LINGO2: variants seen among roughly 807,000 people sequenced by gnomAD.
LINGO2 encodes leucine-rich repeat and immunoglobulin-like domain-containing nogo receptor-interacting protein 2.
Under a neutral mutation model 30.6 loss-of-function variants are expected in LINGO2, and 14 were observed. The observed-to-expected ratio is 0.46, with a 90% confidence interval of 0.30 to 0.72. The LOEUF (loss-of-function observed/expected upper bound fraction) is 0.72. Among genes scored for constraint, LINGO2 ranks in the 30% least tolerant of loss-of-function variants. The pLI, the probability that LINGO2 is intolerant of heterozygous loss-of-function variation, is 0.07. For synonymous variants in LINGO2, 317 were observed against 288.5 expected (o/e 1.10, Z -1.00); for missense variants, 729 against 751.7 (o/e 0.97, Z 0.35).
At chr9:28,717,369 G>A in the LINGO2 span, among the ~76,000 whole-genome samples, 3 of 151,686 alleles carry the variant, frequency 2.0e-5, no homozygotes, top group Admixed American at 6.6e-5. Flanking sequence ...AGATGAAGGG[G>A]GGATTTTTAA....
chr9:28,884,996 TTATATA>T, the LINGO2 span, among the ~76,000 whole-genome samples: 3,403 of 15,828 alleles, frequency 0.21, 279 homozygotes, highest in Admixed American at 0.39. Flanking sequence ...TAATAATATA[TTATATA>T]TATATATATA....
chr9:28,473,742 TCTTTA>T (rs1825620888), intron 2 of LINGO2, among the ~76,000 whole-genome samples: 1 of 152,148 alleles, frequency 6.6e-6, no homozygotes, highest in Non-Finnish European at 1.5e-5. Context: ...CCATAGGTTT[TCTTTA>T]CTTTAGTTTG....
At chr9:28,549,561 T>A (rs928017776) in intron 1 of LINGO2, among the ~76,000 whole-genome samples, 2 of 152,046 alleles carry the variant, frequency 1.3e-5, no homozygotes, top group African/African-American at 2.4e-5. Flanking sequence ...TGTACCAGTT[T>A]ACAGTTGCAG....
chr9:29,083,230 G>A, the LINGO2 span, among the ~76,000 whole-genome samples: 1 of 152,004 alleles, frequency 6.6e-6, no homozygotes, highest in East Asian at 1.9e-4. Context: ...TGGCACATAT[G>A]CACCATGGAA....
chr9:28,199,321 A>ATCTTCTTCTTCT (rs547009763), intron 4 of LINGO2, among the ~76,000 whole-genome samples: 1 of 138,852 alleles, frequency 7.2e-6, no homozygotes. Context: ...ACTACGGGCT[A>ATCTTCTTCTTCT]TCTTCTTCTT....
At chr9:29,101,646 A>G in the LINGO2 span, among the ~76,000 whole-genome samples, 3 of 152,138 alleles carry the variant, frequency 2.0e-5, no homozygotes, top group Non-Finnish European at 2.9e-5. Context: ...CCTCCCACAG[A>G]TAAGTGAGAA....
At chr9:29,081,079 G>T in the LINGO2 span, among the ~76,000 whole-genome samples, 7 of 152,026 alleles carry the variant, frequency 4.6e-5, no homozygotes, top group Non-Finnish European at 5.9e-5. Context: ...CATTTTATGA[G>T]GCCAGCATCA....
At chr9:29,192,637 C>G in the LINGO2 span, among the ~76,000 whole-genome samples, 1 of 152,166 alleles carries the variant, frequency 6.6e-6, no homozygotes, top group African/African-American at 2.4e-5. Flanking sequence ...GCTCTGAACA[C>G]TAGAGACTAT....
chr9:28,357,315 G>GCA (rs1554710531), intron 3 of LINGO2, among the ~76,000 whole-genome samples: 1 of 66,060 alleles, frequency 1.5e-5, no homozygotes, highest in Non-Finnish European at 3.5e-5. Context: ...CAGAAATAAA[G>GCA]CCCACCCCCC....
chr9:28,230,722 G>T (rs1205489326), intron 4 of LINGO2, among the ~76,000 whole-genome samples: 2 of 151,816 alleles, frequency 1.3e-5, no homozygotes, highest in Non-Finnish European at 3.0e-5. Flanking sequence ...TACATTTAGA[G>T]AATTTCATCT....
intron 4 of LINGO2, among the ~76,000 whole-genome samples, chr9:28,187,967 C>T (rs943078580): frequency 1.3e-5 from 2 of 152,142 alleles, no homozygotes; most frequent in African/African-American, 4.8e-5. Context: ...CTCCCTTGTT[C>T]TCGTCACCTC....
At chr9:28,336,091 A>G (rs1262275038) in intron 3 of LINGO2, among the ~76,000 whole-genome samples, 1 of 152,138 alleles carries the variant, frequency 6.6e-6, no homozygotes, top group Non-Finnish European at 1.5e-5. Flanking sequence ...CATCTTTGCC[A>G]ACATTTGGTA....
chr9:28,994,967 T>C, the LINGO2 span, among the ~76,000 whole-genome samples: 4 of 152,088 alleles, frequency 2.6e-5, no homozygotes, highest in Admixed American at 6.6e-5. Flanking sequence ...GGGCAAGGAC[T>C]TCATGTCTAA....
intron 4 of LINGO2, among the ~76,000 whole-genome samples, chr9:28,055,839 C>T (rs187483137): frequency 6.8e-4 from 103 of 152,246 alleles, no homozygotes; most frequent in African/African-American, 2.3e-3. Context: ...CTTGCTTAGT[C>T]TGTTCACAAC....
chr9:28,404,654 T>G (rs1822419133), intron 2 of LINGO2, among the ~76,000 whole-genome samples: 1 of 152,186 alleles, frequency 6.6e-6, no homozygotes, highest in Non-Finnish European at 1.5e-5. Context: ...GAATATTTCT[T>G]TTGACATAAA....
intron 3 of LINGO2, among the ~76,000 whole-genome samples, chr9:28,345,052 T>C (rs1819512030): frequency 6.6e-6 from 1 of 152,058 alleles, no homozygotes; most frequent in Non-Finnish European, 1.5e-5. Flanking sequence ...TGATAGTGTC[T>C]TATCTTTGTG....
chr9:27,987,964 T>C (rs1449530938), intron 5 of LINGO2, among the ~76,000 whole-genome samples: 2 of 152,054 alleles, frequency 1.3e-5, no homozygotes, highest in African/African-American at 2.4e-5. Flanking sequence ...TAACTCGTCA[T>C]TTATATTAGG....
chr9:28,626,689 G>T lies in LINGO2; in HGVS notation c.-365+43511C>A, dbSNP rs118179604. On this transcript the variant is annotated intron_variant, in intron 1 of 5. Coordinates refer to ENST00000379992, the Ensembl canonical transcript of LINGO2. ...GCCAACACCACACTATCTTTTCAAC[G>T]TTTTTTCTCTCTCTGTTCTCCAATT... Among the ~76,000 whole-genome samples, 1,291 of 151,946 alleles carry T rather than the reference G, an allele frequency of 8.5e-3. 17 individuals are homozygous for T. Among genetic ancestry groups the T allele is most frequent in the South Asian group, 0.013 (61 of 4,818 alleles).
the LINGO2 span, among the ~76,000 whole-genome samples, chr9:28,972,768 C>G: frequency 6.6e-6 from 1 of 152,078 alleles, no homozygotes; most frequent in Non-Finnish European, 1.5e-5. Context: ...AGCAAAGGCA[C>G]GTCTTACATG....
Sources: gnomAD v4.1 joint callset for allele counts (sites outside exome capture counted in the v4.1 genomes callset) on GRCh38, gnomAD v4.1.1 for gene constraint, MANE v1.5 for transcripts, NCBI Gene and HGNC (gene_info 2026-07-23, HGNC 2026-07-21) for gene names.